The following NHSL1 variants were observed in gnomAD, a reference collection of about 807,000 sequenced individuals.
NHSL1 encodes the protein NHS like 1.
Under a neutral mutation model 95.0 loss-of-function variants are expected in NHSL1, and 48 were observed. The observed-to-expected ratio is 0.51, with a 90% CI of 0.40 to 0.64. The LOEUF is 0.64. Ranked by LOEUF, NHSL1 falls within the 30% of genes least tolerant of loss-of-function variation. The pLI is 0.00. For missense variants in NHSL1, 1,971 were observed against 2,077.7 expected (o/e 0.95, Z 1.00); for synonymous variants, 783 against 833.9 (o/e 0.94, Z 1.05).
chr6:138,609,290 G>A (rs750856003), intron 1 of NHSL1, among the ~76,000 whole-genome samples: 30 of 152,290 alleles, frequency 2.0e-4, no homozygotes, highest in South Asian at 4.1e-4. Context: ...ATGGAGGAAT[G>A]TGGATGTCAG....
chr6:138,691,300 ACAAT>A (rs1419368324), intron 1 of NHSL1, among the ~76,000 whole-genome samples: 3 of 152,208 alleles, frequency 2.0e-5, no homozygotes, highest in Non-Finnish European at 4.4e-5. Flanking sequence ...TGTTGACGGC[ACAAT>A]CAAAGAGATG....
chr6:138,502,863 C>T (rs992246600), upstream of NHSL1, among the ~76,000 whole-genome samples: 9 of 152,150 alleles, frequency 5.9e-5, no homozygotes, highest in Non-Finnish European at 1.3e-4. Flanking sequence ...GGTATGTAAA[C>T]ATACGTAAGT....
intron 1 of NHSL1, among the ~76,000 whole-genome samples, chr6:138,605,172 A>G (rs188482065): frequency 6.6e-6 from 1 of 152,308 alleles, no homozygotes; most frequent in Non-Finnish European, 1.5e-5. Flanking sequence ...ACAATTAACT[A>G]GACAACGGAC....
intron 1 of NHSL1, among the ~76,000 whole-genome samples, chr6:138,570,093 A>C (rs1783784120): frequency 6.6e-6 from 1 of 152,202 alleles, no homozygotes; most frequent in Non-Finnish European, 1.5e-5. Flanking sequence ...TTTCCCAACT[A>C]AAACTAATAC....
intron 2 of NHSL1, among the ~76,000 whole-genome samples, chr6:138,485,446 TAAA>T (rs768633258): frequency 2.0e-4 from 23 of 115,514 alleles, no homozygotes; most frequent in Non-Finnish European, 2.5e-4. Context: ...TGCTTACCGT[TAAA>T]AAAAAAAAAA....
At chr6:138,673,058 G>C (rs147850136) in intron 1 of NHSL1, among the ~76,000 whole-genome samples, 13 of 88,594 alleles carry the variant, frequency 1.5e-4, no homozygotes, top group African/African-American at 4.9e-4. Context: ...TAGATAGATA[G>C]ATAGATAATG....
Position 138,432,145 on chromosome 6 carries a change from G to A in NHSL1, c.2200C>T (p.Pro734Ser), listed in dbSNP as rs563549813. Residue 734 changes from proline to serine, a missense_variant, in exon 6 of 8, where the codon CCC (proline) becomes TCC (serine). Transcript: ENST00000343505. This position sits in a 1 kb window ranked among gnomAD's most constrained non-coding sequence, Gnocchi z 4.4. ...ACTGTGCTCTGGCTCCGGGAGCGGG[G>A]CAGCCAGGGCTCTTCCAAGTCACTG... ...PCSDLEEPWL[P>S]RSRSQSTVSA... 372 of 1,548,596 alleles carry A rather than the reference G, an allele frequency of 2.4e-4. 1 individual carries two copies. The East Asian group carries it at 8.7e-3, about 36-fold the overall frequency.
At chr6:138,489,761 CAAA>C (rs771589265) in intron 2 of NHSL1, among the ~76,000 whole-genome samples, 3 of 49,838 alleles carry the variant, frequency 6.0e-5, no homozygotes, top group Admixed American at 2.8e-4. Flanking sequence ...GACCCTGTCT[CAAA>C]AAAAAAAAAA....
At chr6:138,659,484 T>A (rs533839103) in intron 1 of NHSL1, among the ~76,000 whole-genome samples, 1 of 152,230 alleles carries the variant, frequency 6.6e-6, no homozygotes, top group Non-Finnish European at 1.5e-5. Context: ...AACCAAAGAA[T>A]AGCCAAGAAA....
At chr6:138,659,596 A>C (rs1785199992) in intron 1 of NHSL1, among the ~76,000 whole-genome samples, 2 of 152,196 alleles carry the variant, frequency 1.3e-5, no homozygotes, top group Non-Finnish European at 2.9e-5. Flanking sequence ...AGGAATTATA[A>C]AAATACCCAG....
intron 1 of NHSL1, among the ~76,000 whole-genome samples, chr6:138,567,966 C>T (rs1341981867): frequency 1.3e-5 from 2 of 152,260 alleles, no homozygotes; most frequent in South Asian, 2.1e-4. Context: ...ACAAAACAAG[C>T]TCTGCTCAAT....
intron 1 of NHSL1, among the ~76,000 whole-genome samples, chr6:138,681,013 CA>C (rs1307145254): frequency 6.6e-6 from 1 of 152,166 alleles, no homozygotes; most frequent in African/African-American, 2.4e-5. Flanking sequence ...TAAGAGTTAA[CA>C]ATTTATTCCA....
At chr6:138,469,617 C>T (rs144083621) in intron 3 of NHSL1, among the ~76,000 whole-genome samples, 2,552 of 152,014 alleles carry the variant, frequency 0.017, 77 homozygotes, top group African/African-American at 0.059. Flanking sequence ...CTCAGCTACT[C>T]GGGAGGCTGA....
In NHSL1 at chr6:138,626,759, T is replaced by TTA. The variant is rs1321620248; in HGVS notation, c.96+65716_96+65717insTA. The stretch of plus-strand genomic sequence containing the variant: ...ATACAAAAAAATTAGCCGGGCGTAG[T>TTA]GGCGGGCGCCTGTCGTCCCAGCTAC... On this transcript the variant is annotated intron_variant, in intron 1 of 3. Coordinates refer to the NHSL1 transcript ENST00000491526. Among the ~76,000 whole-genome samples, 2 of 115,676 alleles carry TTA rather than the reference T, an allele frequency of 1.7e-5. 1 individual carries two copies. Among genetic ancestry groups the TTA allele is most frequent in the Non-Finnish European group, 3.5e-5 (2 of 57,750 alleles). 75.9% of individuals were successfully genotyped at this position (115,676 alleles called of 152,430 possible).
At chr6:138,494,581 C>T (rs369587764) in intron 2 of NHSL1, among the ~76,000 whole-genome samples, 1 of 152,048 alleles carries the variant, frequency 6.6e-6, no homozygotes, top group African/African-American at 2.4e-5. Context: ...AGTGGTGGTA[C>T]ATTAAAGAAT....
At chr6:138,484,276 G>C (rs977294636) in intron 2 of NHSL1, among the ~76,000 whole-genome samples, 2 of 152,108 alleles carry the variant, frequency 1.3e-5, no homozygotes, top group African/African-American at 4.8e-5. Context: ...GTGTAGGCGG[G>C]GAGTAAGATG....
At chr6:138,624,623 C>T (rs1213784370) in intron 1 of NHSL1, among the ~76,000 whole-genome samples, 1 of 152,136 alleles carries the variant, frequency 6.6e-6, no homozygotes, top group African/African-American at 2.4e-5. Context: ...CTCTCAGAAA[C>T]CTTTTGCTGA....
At chr6:138,559,059 A>G (rs1472574082) in intron 1 of NHSL1, among the ~76,000 whole-genome samples, 1 of 148,930 alleles carries the variant, frequency 6.7e-6, no homozygotes, top group Non-Finnish European at 1.5e-5. Flanking sequence ...TTTAAAAAGA[A>G]AAAAAAAAAA....
At chr6:138,514,897 T>C (rs1366719156) in intron 1 of NHSL1, among the ~76,000 whole-genome samples, 2 of 152,160 alleles carry the variant, frequency 1.3e-5, no homozygotes, top group African/African-American at 4.8e-5. Flanking sequence ...CATTCCAGCC[T>C]GGGCGACAAC....
Sources: gnomAD v4.1 joint callset for allele counts (sites outside exome capture counted in the v4.1 genomes callset) on GRCh38, gnomAD v4.1.1 for gene constraint, Gnocchi (gnomAD v3.1) non-coding constraint, MANE v1.5 for transcripts, NCBI Gene and HGNC (gene_info 2026-07-23, HGNC 2026-07-21) for gene names.